The following SDK2 variants were observed in gnomAD, a reference collection of about 807,000 sequenced individuals.
SDK2 encodes the protein protein sidekick-2.
Under a neutral mutation model 253.9 loss-of-function variants are expected in SDK2, and 105 were observed. The ratio of observed to expected loss-of-function variants is 0.41; its 90% CI spans 0.35 to 0.49. SDK2 has a LOEUF of 0.49. Ranked by LOEUF, SDK2 falls within the 20% of genes least tolerant of loss-of-function variation. The pLI is 0.06. For missense variants in SDK2, 2,608 were observed against 3,003.0 expected (o/e 0.87, Z 3.07); for synonymous variants, 1,249 against 1,234.9 (o/e 1.01, Z -0.24).
chr17:73,435,359 T>C lies in SDK2; in HGVS notation c.1195+91A>G. ...ATCCTATCTGCTTAATGGAACGTGC[T>C]ATGCACAAGAGGCCCCTCGGAAGAC... On this transcript the variant is annotated intron_variant, in intron 9 of 44. Transcript: ENST00000392650. The surrounding 1 kb of genome is among the most constrained non-coding windows in gnomAD (Gnocchi z 5.7). 1 of 1,278,630 alleles carries C rather than the reference T, an allele frequency of 7.8e-7. No individual in the cohort carries two copies. The highest frequency in any genetic ancestry group is 1.1e-6 in the Non-Finnish European group (1 of 932,066). The allele number at this position is 1,278,630 out of a possible 1,614,324, so 79.2% of individuals were successfully genotyped here.
intron 2 of SDK2, among the ~76,000 whole-genome samples, chr17:73,503,746 G>A (rs2063909067): frequency 6.6e-6 from 1 of 152,202 alleles, no homozygotes; most frequent in Non-Finnish European, 1.5e-5. Flanking sequence ...CCCTGGAGTA[G>A]GCACATGATG....
intron 29 of SDK2, 30 bp downstream of exon 29, chr17:73,390,257 A>C: frequency 6.6e-7 from 1 of 1,517,256 alleles, no homozygotes; most frequent in East Asian, 2.4e-5. Flanking sequence ...AGCTGCCCCC[A>C]AGCCTTCCCT....
intron 36 of SDK2, among the ~76,000 whole-genome samples, chr17:73,375,264 G>GAA (rs2145453631): frequency 4.8e-4 from 1 of 2,064 alleles, no homozygotes; most frequent in Admixed American, 3.3e-3. Flanking sequence ...TTTTTTTTGA[G>GAA]ACAGTCTTGA....
chr17:73,586,027 C>T (rs2045598739), intron 1 of SDK2, among the ~76,000 whole-genome samples: 1 of 152,140 alleles, frequency 6.6e-6, no homozygotes, highest in African/African-American at 2.4e-5. Context: ...AAGTGAAGAT[C>T]CTTTGGGGAT....
intron 1 of SDK2, among the ~76,000 whole-genome samples, chr17:73,586,741 G>T (rs1441440911): frequency 2.6e-5 from 4 of 152,184 alleles, no homozygotes; most frequent in African/African-American, 9.7e-5. Flanking sequence ...TAAGCCTGAA[G>T]GTCCAGCAGT....
chr17:73,469,822 A>G (rs2063631330), intron 3 of SDK2, among the ~76,000 whole-genome samples: 1 of 151,988 alleles, frequency 6.6e-6, no homozygotes. Flanking sequence ...TCTCTTTTTG[A>G]TTGGCAGAGC....
rs532112676 is a variant in SDK2, at chr17:73,506,536, C to A, written c.224+902G>T. 1.3e-4 allele frequency among the ~76,000 whole-genome samples: 20 copies of A among 152,314 alleles called. No individual in the cohort carries two copies. In the South Asian group the frequency reaches 3.5e-3, roughly 27 times the overall value. Reference sequence around the variant, plus strand: ...TGGTTCTCCAGAAGGACAGATCAAGCAATGATACCCCCTCCTCTTATTTGC... The same window carrying A: ...TGGTTCTCCAGAAGGACAGATCAAGAAATGATACCCCCTCCTCTTATTTGC... On this transcript the variant is annotated intron_variant, in intron 2 of 44. Transcript: ENST00000392650.
intron 15 of SDK2, among the ~76,000 whole-genome samples, chr17:73,421,573 C>CTTTTTTTTTTTTTTTTTTTTTTTTTT (rs36068491): frequency 2.2e-5 from 2 of 90,772 alleles, no homozygotes; most frequent in Non-Finnish European, 4.0e-5. Flanking sequence ...CAATTTCCAT[C>CTTTTTTTTTTTTTTTTTTTTTTTTTT]TTTTTTTTTT....
At position 73,637,606 on chromosome 17, in the gene SDK2, T is replaced by C. The variant is rs142536490; in HGVS notation, c.64+6419A>G. 7.6e-3 allele frequency among the ~76,000 whole-genome samples: 1,152 copies of C among 152,336 alleles called. 7 individuals carry two copies. Among genetic ancestry groups the C allele is most frequent in the African/African-American group, 0.026 (1,097 of 41,572 alleles). On this transcript the variant is annotated intron_variant, in intron 1 of 44. Transcript: ENST00000392650. ...GTTGGCCAAGCTGGTCTCAAACTCC[T>C]GACCTCAGCCTGCCTGCCTCGGCCT...
At position 73,423,451 on chromosome 17, in the gene SDK2, G is replaced by A. The variant is rs1162241644; in HGVS notation, c.1832C>T (p.Thr611Met). 6 of 1,592,322 alleles carry A rather than the reference G, an allele frequency of 3.8e-6. No individual in the cohort carries two copies. Among genetic ancestry groups the A allele is most frequent in the Admixed American group, 1.7e-5 (1 of 57,914 alleles). The change falls in exon 14 of 45, where the codon ACG (threonine) becomes ATG (methionine). Residue 611 changes from threonine (T) to methionine (M), a missense_variant. Physicochemically the swap from Thr to Met is moderately conservative, Grantham distance 81 (BLOSUM62 -1). This residue lies in a region of SDK2 where 1,505 missense variants were observed against 1,859.1 expected (regional missense o/e 0.81). Transcript: ENST00000392650. ...STVERRAINL[T>M]WTKPFDGNSP... Reference sequence around the variant, plus strand: ...GTTGCCATCAAAGGGCTTGGTCCACGTCAGGTTGATGGCTCGCCTTTCCAC... The same window carrying A: ...GTTGCCATCAAAGGGCTTGGTCCACATCAGGTTGATGGCTCGCCTTTCCAC...
intron 2 of SDK2, among the ~76,000 whole-genome samples, chr17:73,473,037 G>A (rs9910637): frequency 0.89 from 134,825 of 152,202 alleles, 60,021 homozygotes; most frequent in East Asian, 0.98. Flanking sequence ...TATCAGCAGC[G>A]TGAAAACGGA....
chr17:73,437,533 G>T (rs7216879), intron 8 of SDK2, among the ~76,000 whole-genome samples: 1 of 152,090 alleles, frequency 6.6e-6, no homozygotes, highest in Non-Finnish European at 1.5e-5. Flanking sequence ...CTCAAGTTTT[G>T]GTACCGTAAA....
At chr17:73,538,299 C>T (rs1451767433) in intron 1 of SDK2, among the ~76,000 whole-genome samples, 1 of 152,184 alleles carries the variant, frequency 6.6e-6, no homozygotes, top group African/African-American at 2.4e-5. Context: ...TCTCCTGGCT[C>T]CTGAGTCTGT....
chr17:73,547,429 C>A (rs867187593), intron 1 of SDK2, among the ~76,000 whole-genome samples: 20 of 152,272 alleles, frequency 1.3e-4, no homozygotes, highest in Admixed American at 6.5e-5. Context: ...AGACCAACCA[C>A]TGTGCCCAGG....
Position 73,643,957 on chromosome 17 carries a change from T to TCCCCCCCCCCCCCCCC in SDK2, c.64+67_64+68insGGGGGGGGGGGGGGGG. 3 of 1,019,996 alleles carry TCCCCCCCCCCCCCCCC rather than the reference T, an allele frequency of 2.9e-6. No individual in the cohort carries two copies. The highest frequency in any genetic ancestry group is 1.5e-6 in the Non-Finnish European group (1 of 674,882). The allele number at this position is 1,019,996 out of a possible 1,614,324, so 63.2% of individuals were successfully genotyped here. A position where few individuals can be genotyped will look rare whatever the true frequency, so the allele number is the denominator to read the frequency against. On this transcript the variant is annotated intron_variant, in intron 1 of 44. Transcript: ENST00000392650. This position sits in a 1 kb window ranked among gnomAD's most constrained non-coding sequence, Gnocchi z 6.9. ...GGAGGTCACCGTGAGGCCGGCCAGC[T>TCCCCCCCCCCCCCCCC]CCCGCCGCCCCTCCCCCGCCCACTC...
chr17:73,413,594 G>A (rs372340677), intron 18 of SDK2, among the ~76,000 whole-genome samples: 3 of 151,978 alleles, frequency 2.0e-5, no homozygotes, highest in African/African-American at 4.8e-5. Flanking sequence ...GCATTTCTAC[G>A]ACCACTAAAA....
chr17:73,603,413 T>C (rs762101035), intron 1 of SDK2, among the ~76,000 whole-genome samples: 1 of 152,198 alleles, frequency 6.6e-6, no homozygotes, highest in Admixed American at 6.5e-5. Flanking sequence ...GATTCAAAAA[T>C]GCTCTGGGCA....
chr17:73,457,801 C>T (rs909817350), intron 3 of SDK2, among the ~76,000 whole-genome samples: 8 of 152,076 alleles, frequency 5.3e-5, no homozygotes, highest in African/African-American at 1.7e-4. Flanking sequence ...CCTAAGCTAC[C>T]GGGTCCCCTC....
intron 18 of SDK2, among the ~76,000 whole-genome samples, chr17:73,407,581 G>A (rs115580466): frequency 3.4e-4 from 52 of 151,952 alleles, no homozygotes; most frequent in African/African-American, 1.3e-3. Flanking sequence ...AATCAATTTA[G>A]TCTTTATTTT....
Sources: gnomAD v4.1 joint callset for allele counts (sites outside exome capture counted in the v4.1 genomes callset) on GRCh38, gnomAD v4.1.1 for gene constraint, gnomAD v4.1.1 regional missense constraint, Gnocchi (gnomAD v3.1) non-coding constraint, MANE v1.5 for transcripts, NCBI Gene and HGNC (gene_info 2026-07-23, HGNC 2026-07-21) for gene names.